APC2: variants seen among roughly 807,000 people sequenced by gnomAD.
APC2 encodes adenomatous polyposis coli protein 2.
In APC2, 41 loss-of-function variants were observed where a neutral mutation model predicts 72.5. That is an observed-to-expected ratio of 0.57 (90% confidence interval 0.44 to 0.73). The LOEUF (loss-of-function observed/expected upper bound fraction) is 0.73. Ranked by LOEUF, APC2 falls within the 30% of genes least tolerant of loss-of-function variation. APC2 has a pLI of 0.00. For synonymous variants in APC2, 1,898 were observed against 1,612.0 expected (o/e 1.18, Z -4.25); for missense variants, 3,729 against 3,403.4 (o/e 1.10, Z -2.38).
intron 10 of APC2, 118 bp downstream of exon 10, chr19:1,458,178 G>A (rs10402084): frequency 0.053 from 48,889 of 918,536 alleles, 1,781 homozygotes; most frequent in African/African-American, 0.12. Flanking sequence ...ATTGGAGCCC[G>A]GAGAGGGACA....
chr19:1,453,643 G>C (rs202219160), intron 4 of APC2, 32 bp downstream of exon 4: 8 of 1,568,314 alleles, frequency 5.1e-6, no homozygotes, highest in African/African-American at 1.4e-5. Flanking sequence ...GCCTCGGGCA[G>C]CTGGAGCATG....
chr19:1,450,650 AAG>A (rs1008641334), intron 1 of APC2, among the ~76,000 whole-genome samples: 14 of 152,130 alleles, frequency 9.2e-5, no homozygotes, highest in African/African-American at 3.1e-4. Flanking sequence ...CCTCTCTGGA[AAG>A]AGGGGGTTTG....
chr19:1,461,669 G>T (rs2656880), intron 13 of APC2: 2 of 409,434 alleles, frequency 4.9e-6, no homozygotes, highest in African/African-American at 4.1e-5. Flanking sequence ...TGGCTAACAC[G>T]GTGAAACCCC....
upstream of APC2, among the ~76,000 whole-genome samples, chr19:1,448,219 G>T (rs1033695282): frequency 5.5e-4 from 84 of 152,118 alleles, no homozygotes; most frequent in Non-Finnish European, 4.9e-4. Flanking sequence ...TCCCAAGCAT[G>T]CATTGATCTT....
chr19:1,454,756 AC>A, intron 4 of APC2, among the ~76,000 whole-genome samples: 2 of 151,816 alleles, frequency 1.3e-5, no homozygotes, highest in Non-Finnish European at 2.9e-5. Context: ...GTTAGCAGAG[AC>A]GGGGTTTCAC....
intron 11 of APC2, 121 bp downstream of exon 11, chr19:1,460,441 T>G: frequency 6.9e-7 from 1 of 1,459,154 alleles, no homozygotes; most frequent in Non-Finnish European, 9.4e-7. Context: ...TGTCCCCAAC[T>G]TACAGACGGG....
chr19:1,461,345 G>C, intron 13 of APC2, 192 bp downstream of exon 13: 1 of 608,408 alleles, frequency 1.6e-6, no homozygotes, highest in Non-Finnish European at 2.9e-6. Flanking sequence ...TGGGCTGGGC[G>C]CCGTGGCTCA....
In APC2 at chr19:1,457,150, C is replaced by T. The variant is rs1279191575; in HGVS notation, c.1114C>T (p.His372Tyr). Residue 372 changes from histidine to tyrosine, a missense_variant, in exon 9 of 15, where the codon CAC becomes TAC. Physicochemically the swap from His to Tyr is moderately conservative, Grantham distance 83. Transcript: ENST00000590469. ...GLARKEMRVL[H>Y]VLEQIRAYCE... ...GGCGCGCAAGGAGATGCGCGTCCTG[C>T]ACGTGCTGGAGCAGATCCGGGCCTA... 2 of 1,587,988 alleles carry T rather than the reference C, an allele frequency of 1.3e-6. No individual in the cohort carries two copies. Among genetic ancestry groups the T allele is most frequent in the African/African-American group, 1.3e-5 (1 of 74,190 alleles).
intron 7 of APC2, 28 bp downstream of exon 7, chr19:1,456,181 A>AG (rs2083822265): frequency 6.4e-7 from 1 of 1,567,446 alleles, no homozygotes; most frequent in Non-Finnish European, 8.6e-7. Flanking sequence ...GCCAGGGACC[A>AG]GGGGTGGTGT....
In APC2 at chr19:1,468,384, T is replaced by G; in HGVS notation, c.5083T>G (p.Ser1695Ala). The G allele has an allele frequency of 6.3e-7, 1 of 1,580,104 alleles. No homozygotes were observed. The highest frequency in any genetic ancestry group is 8.6e-7 in the Non-Finnish European group (1 of 1,161,324). ...GCGCGCCATCCAGGAGGGCGCCAAT[T>G]CAATTGTCACGTGGCTGCACCAGGC... Reference protein sequence around the residue: ...EWRAIQEGANSIVTWLHQAAA... With the variant: ...EWRAIQEGANAIVTWLHQAAA... Residue 1695 changes from serine (S) to alanine (A), a missense_variant, in exon 15 of 15, where the codon TCA becomes GCA. Coordinates refer to ENST00000590469, the MANE Select transcript of APC2 (RefSeq NM_005883.3).
chr19:1,470,107 G>A lies in APC2; in HGVS notation c.6806G>A (p.Arg2269Gln), dbSNP rs1400010535. The A allele has an allele frequency of 1.2e-6, 2 of 1,605,314 alleles. No individual in the cohort carries two copies. The highest frequency in any genetic ancestry group is 1.7e-6 in the Non-Finnish European group (2 of 1,177,658). The change falls in exon 15 of 15, where the codon CGA becomes CAA. Residue 2269 changes from arginine (R) to glutamine (Q), a missense_variant. Transcript: ENST00000590469. ...CACGGCTCCCCCAGCCGCTCGGCCC[G>A]AGTACCCCCCTTCAACTATGTGCCC... Reference protein sequence around the residue: ...SRHGSPSRSARVPPFNYVPSP... With the variant: ...SRHGSPSRSAQVPPFNYVPSP...
intron 1 of APC2, among the ~76,000 whole-genome samples, chr19:1,450,604 C>T (rs1037635785): frequency 1.3e-5 from 2 of 152,318 alleles, no homozygotes; most frequent in African/African-American, 4.8e-5. Flanking sequence ...GGTGTGTCTT[C>T]GGGGGTGTTG....
At position 1,465,986 on chromosome 19, in the gene APC2, C is replaced by T. The variant is rs1261066278; in HGVS notation, c.2685C>T (p.Cys895=). 1.3e-6 allele frequency: 2 copies of T among 1,522,762 alleles called. No homozygotes were observed. The highest frequency in any genetic ancestry group is 2.5e-5 in the East Asian group (1 of 40,116). 94.3% of individuals were successfully genotyped at this position (1,522,762 alleles called of 1,614,324 possible). The change falls in exon 15 of 15, where the codon TGC becomes TGT. Residue 895 remains cysteine (C), a synonymous_variant. Coordinates refer to ENST00000590469, the MANE Select transcript of APC2 (RefSeq NM_005883.3). ...GCCGCGCCCAGTCCTGCTCGCCATGCCGCGGCCCGGAGGGCGGGCGGCGAG... is the reference window on the plus strand; with the variant it reads ...GCCGCGCCCAGTCCTGCTCGCCATGTCGCGGCCCGGAGGGCGGGCGGCGAG... The part of the protein sequence containing the change: ...REGRAQSCSP[C]RGPEGGRREA...
chr19:1,461,923 A>G, intron 13 of APC2, 40 bp from the exon 14 acceptor site: 1 of 1,538,870 alleles, frequency 6.5e-7, no homozygotes, highest in Non-Finnish European at 8.9e-7. Context: ...CCTCCGGGCC[A>G]CTCAGGCCCT....
intron 1 of APC2, among the ~76,000 whole-genome samples, chr19:1,450,804 G>A (rs950156358): frequency 5.3e-5 from 8 of 152,094 alleles, no homozygotes; most frequent in African/African-American, 1.9e-4. Context: ...CCCCCAGGAG[G>A]CTACACGATG....
intron 1 of APC2, 137 bp downstream of exon 1, chr19:1,450,475 T>C: frequency 1.5e-6 from 1 of 680,258 alleles, no homozygotes; most frequent in Non-Finnish European, 1.8e-6. Context: ...GAGGGGAAAC[T>C]GAGTCCCGGT....
intron 10 of APC2, among the ~76,000 whole-genome samples, chr19:1,459,273 C>T (rs1216469646): frequency 2.6e-5 from 4 of 152,142 alleles, no homozygotes; most frequent in Non-Finnish European, 5.9e-5. Context: ...GGCGCCATCT[C>T]GGCTCACTGC....
chr19:1,464,583 T>A (rs2083975670), intron 14 of APC2, among the ~76,000 whole-genome samples: 2 of 151,080 alleles, frequency 1.3e-5, no homozygotes, highest in African/African-American at 2.4e-5. Flanking sequence ...ACAGAATCTA[T>A]CTAAGTATAC....
Position 1,457,169 on chromosome 19 carries a change from G to A in APC2, c.1133G>A (p.Arg378Gln). Residue 378 changes from arginine to glutamine, a missense_variant, in exon 9 of 15, where the codon CGG becomes CAG. Arg to Gln is a conservative substitution (Grantham distance 43). Transcript: ENST00000590469. ...MRVLHVLEQIRAYCETCWDWL... is the reference protein window; with the variant it reads ...MRVLHVLEQIQAYCETCWDWL... ...GTCCTGCACGTGCTGGAGCAGATCC[G>A]GGCCTACTGCGAGACCTGCTGGGAC... The A allele has an allele frequency of 6.3e-7, 1 of 1,581,956 alleles. No homozygotes were observed. The highest frequency in any genetic ancestry group is 8.6e-7 in the Non-Finnish European group (1 of 1,166,848).
Sources: allele counts gnomAD v4.1 joint callset (sites outside exome capture counted in the v4.1 genomes callset), GRCh38; gene constraint gnomAD v4.1.1; transcripts MANE v1.5; gene names NCBI Gene and HGNC (gene_info 2026-07-23, HGNC 2026-07-21).